Variants in BBS9 observed in about 807,000 individuals in gnomAD.
BBS9 encodes Bardet-Biedl syndrome 9.
Under a neutral mutation model 117.7 loss-of-function variants are expected in BBS9, and 89 were observed. That is an observed-to-expected ratio of 0.76 (90% CI 0.64 to 0.90). BBS9 has a LOEUF of 0.90. Among genes scored for constraint, BBS9 ranks in the 40% least tolerant of loss-of-function variants. The probability of loss-of-function intolerance (pLI) is 0.00; values close to 1 mark genes in which losing one functional copy is unlikely to be tolerated. For synonymous variants in BBS9, 379 were observed against 370.9 expected, an observed-to-expected ratio of 1.02 and a Z score of -0.25; for missense variants, 982 against 1,042.2, an observed-to-expected ratio of 0.94 and a Z score of 0.80.
intron 16 of BBS9, among the ~76,000 whole-genome samples, chr7:33,366,730 G>A (rs1176143893): frequency 6.6e-6 from 1 of 151,700 alleles, no homozygotes; most frequent in Non-Finnish European, 1.5e-5. Context: ...ATTTTTAGTA[G>A]AGATGGGGTT....
At chr7:33,147,068 A>G (rs531060872) in intron 2 of BBS9, among the ~76,000 whole-genome samples, 2 of 152,310 alleles carry the variant, frequency 1.3e-5, no homozygotes, top group South Asian at 2.1e-4. Context: ...ATGAAATTAC[A>G]CTAGCTCTAT....
At chr7:33,138,482 A>G (rs1300476857) in intron 1 of BBS9, among the ~76,000 whole-genome samples, 10 of 151,010 alleles carry the variant, frequency 6.6e-5, no homozygotes, top group Admixed American at 6.6e-4. Context: ...GAGATTCAAC[A>G]TTTCTCATAA....
chr7:33,387,851 C>CA (rs1057287558), intron 18 of BBS9, 141 bp from the exon 19 acceptor site: 3 of 922,248 alleles, frequency 3.3e-6, no homozygotes, highest in African/African-American at 1.7e-5. Context: ...CCAAATACCA[C>CA]ATTGTTTTAA....
intron 1 of BBS9, among the ~76,000 whole-genome samples, chr7:33,139,079 C>T (rs954449156): frequency 6.6e-6 from 1 of 150,892 alleles, no homozygotes; most frequent in African/African-American, 2.4e-5. Flanking sequence ...ATGGAGAAAC[C>T]CCGTCTCTAC....
intron 19 of BBS9, among the ~76,000 whole-genome samples, chr7:33,399,672 TG>T (rs1828591584): frequency 1.3e-5 from 2 of 152,166 alleles, no homozygotes; most frequent in Non-Finnish European, 2.9e-5. Context: ...CAGAAATCAA[TG>T]GGGACTTAGG....
chr7:33,377,168 T>G (rs145333896), intron 17 of BBS9, among the ~76,000 whole-genome samples: 2 of 152,352 alleles, frequency 1.3e-5, no homozygotes, highest in East Asian at 3.9e-4. Flanking sequence ...CCAGGGTTTT[T>G]ATAGATCTGG....
At chr7:33,390,744 G>T in intron 19 of BBS9, 1 of 443,034 alleles carries the variant, frequency 2.3e-6, no homozygotes, top group Non-Finnish European at 3.0e-6. Context: ...TCCCATCTTG[G>T]TTCCTTATCA....
chr7:33,454,140 A>C lies in BBS9; in HGVS notation c.2116-51323A>C, dbSNP rs974146231. 9.2e-5 allele frequency among the ~76,000 whole-genome samples: 14 copies of C among 152,256 alleles called. No homozygotes were observed. In the East Asian group the frequency reaches 2.7e-3, roughly 29 times the overall value. On this transcript the variant is annotated intron_variant, in intron 19 of 22. Coordinates refer to ENST00000242067, the MANE Select transcript of BBS9 (RefSeq NM_198428.3). ...GGTCCTCCCCCATCTCCTGCCCTGC[A>C]TGGGAGGCAATATCATACATGGGCT...
chr7:33,148,142 A>G (rs1033482615), intron 2 of BBS9, among the ~76,000 whole-genome samples: 1 of 152,198 alleles, frequency 6.6e-6, no homozygotes, highest in African/African-American at 2.4e-5. Context: ...AGTTAACAAG[A>G]GCAGTTTTGG....
chr7:33,404,501 G>T (rs980575879), intron 19 of BBS9, among the ~76,000 whole-genome samples: 2 of 152,030 alleles, frequency 1.3e-5, no homozygotes, highest in African/African-American at 4.8e-5. Context: ...CCATTTGTTT[G>T]TATCCTCTTT....
chr7:33,617,742 C>T (rs1865211658), intron 21 of BBS9, among the ~76,000 whole-genome samples: 1 of 152,074 alleles, frequency 6.6e-6, no homozygotes, highest in Non-Finnish European at 1.5e-5. Context: ...CTAAAGAACA[C>T]AGTGAATGAA....
intron 4 of BBS9, among the ~76,000 whole-genome samples, chr7:33,171,352 G>A (rs1796543932): frequency 6.6e-6 from 1 of 152,106 alleles, no homozygotes; most frequent in East Asian, 1.9e-4. Flanking sequence ...AAGCAGTGGG[G>A]AAAGGATTCC....
intron 13 of BBS9, among the ~76,000 whole-genome samples, chr7:33,350,175 T>C (rs927127206): frequency 6.6e-6 from 1 of 152,174 alleles, no homozygotes; most frequent in African/African-American, 2.4e-5. Context: ...TAGTTTACTA[T>C]AGCTTTTCTG....
At chr7:33,371,247 A>G (rs1209081104) in intron 17 of BBS9, among the ~76,000 whole-genome samples, 6 of 152,196 alleles carry the variant, frequency 3.9e-5, no homozygotes. Flanking sequence ...ATGAGAAACA[A>G]ATTTCACAGA....
At chr7:33,314,305 A>G in intron 9 of BBS9, 1 of 429,694 alleles carries the variant, frequency 2.3e-6, no homozygotes, top group Non-Finnish European at 4.6e-6. Flanking sequence ...CCACTTTAGA[A>G]AAATGAAGTT....
At chr7:33,406,831 T>A (rs893870692) in intron 19 of BBS9, among the ~76,000 whole-genome samples, 4 of 152,334 alleles carry the variant, frequency 2.6e-5, no homozygotes, top group Admixed American at 6.5e-5. Context: ...CTTCCCTTTG[T>A]GGGTAACCCG....
At chr7:33,504,696 A>T (rs771524073) in intron 19 of BBS9, among the ~76,000 whole-genome samples, 11 of 152,072 alleles carry the variant, frequency 7.2e-5, no homozygotes, top group Non-Finnish European at 1.3e-4. Flanking sequence ...AAAATAAAAC[A>T]CCAATGGGAA....
At chr7:33,364,056 C>G (rs1489278433) in intron 16 of BBS9, among the ~76,000 whole-genome samples, 2 of 87,744 alleles carry the variant, frequency 2.3e-5, no homozygotes, top group South Asian at 3.9e-4. Flanking sequence ...TCACGCCATT[C>G]TCCTGCCTCA....
intron 19 of BBS9, among the ~76,000 whole-genome samples, chr7:33,408,752 A>G (rs1479985395): frequency 3.9e-5 from 6 of 152,176 alleles, no homozygotes; most frequent in African/African-American, 1.4e-4. Flanking sequence ...GGGTTGAATG[A>G]TAGTTCAACT....
Sources: allele counts gnomAD v4.1 joint callset (sites outside exome capture counted in the v4.1 genomes callset), GRCh38; gene constraint gnomAD v4.1.1; transcripts MANE v1.5; gene names NCBI Gene and HGNC (gene_info 2026-07-23, HGNC 2026-07-21).